Variants in PTPRD observed in about 807,000 individuals in gnomAD.
PTPRD encodes protein tyrosine phosphatase receptor type D.
A neutral mutation model predicts 214.5 loss-of-function variants in PTPRD; 34 were observed. The ratio of observed to expected loss-of-function variants is 0.16; its 90% CI spans 0.12 to 0.21. The LOEUF (loss-of-function observed/expected upper bound fraction) is 0.21, where lower values mean the gene tolerates loss of function less well. PTPRD is among the 10% of genes least tolerant of loss of function. The pLI is 1.00. For synonymous variants in PTPRD, 1,128 were observed against 845.7 expected (o/e 1.33, Z -5.79); for missense variants, 2,545 against 2,398.7 (o/e 1.06, Z -1.27).
intron 3 of PTPRD, among the ~76,000 whole-genome samples, chr9:10,177,480 A>G (rs925820105): frequency 6.6e-6 from 1 of 151,524 alleles, no homozygotes; most frequent in Non-Finnish European, 1.5e-5. Flanking sequence ...ACACTATGAA[A>G]GTTGCATATT....
At chr9:8,966,287 G>A (rs74753279) in intron 11 of PTPRD, among the ~76,000 whole-genome samples, 7,445 of 151,858 alleles carry the variant, frequency 0.049, 498 homozygotes, top group East Asian at 0.26. Flanking sequence ...ATCCCAAATA[G>A]CCAAAGCAAT....
At chr9:9,276,958 C>T (rs2133300428) in intron 9 of PTPRD, among the ~76,000 whole-genome samples, 1 of 151,376 alleles carries the variant, frequency 6.6e-6, no homozygotes, top group African/African-American at 2.4e-5. Flanking sequence ...GCCAGGACAG[C>T]ATTTTCAGCA....
At chr9:9,177,128 C>A (rs1417323838) in intron 10 of PTPRD, among the ~76,000 whole-genome samples, 1 of 152,060 alleles carries the variant, frequency 6.6e-6, no homozygotes, top group African/African-American at 2.4e-5. Flanking sequence ...AGGAAACTTA[C>A]AATCATGGTG....
At chr9:8,936,722 G>A (rs1443877163) in intron 11 of PTPRD, among the ~76,000 whole-genome samples, 4 of 152,126 alleles carry the variant, frequency 2.6e-5, no homozygotes, top group African/African-American at 4.8e-5. Flanking sequence ...AATTTTATAA[G>A]CCTGTTCTAC....
intron 11 of PTPRD, among the ~76,000 whole-genome samples, chr9:8,843,371 G>T (rs931819429): frequency 2.0e-5 from 3 of 152,142 alleles, no homozygotes; most frequent in East Asian, 1.9e-4. Context: ...TAGAGTCAAC[G>T]AGTATTCTAA....
chr9:8,402,354 T>C (rs1038536911), intron 36 of PTPRD, among the ~76,000 whole-genome samples: 3 of 152,098 alleles, frequency 2.0e-5, no homozygotes, highest in South Asian at 2.1e-4. Flanking sequence ...AGAATAAAGA[T>C]ACAAGGAGGT....
intron 12 of PTPRD, among the ~76,000 whole-genome samples, chr9:8,682,297 C>A (rs909417190): frequency 6.6e-6 from 1 of 152,166 alleles, no homozygotes; most frequent in Non-Finnish European, 1.5e-5. Flanking sequence ...CCGGGATATA[C>A]CCATTCTTAG....
intron 11 of PTPRD, among the ~76,000 whole-genome samples, chr9:8,827,614 CAA>C (rs966118435): frequency 2.0e-5 from 3 of 151,888 alleles, no homozygotes; most frequent in East Asian, 1.9e-4. Flanking sequence ...CTCAAACAAA[CAA>C]AAAAAATTAG....
chr9:9,130,489 A>G (rs1264399271), intron 10 of PTPRD, among the ~76,000 whole-genome samples: 1 of 152,196 alleles, frequency 6.6e-6, no homozygotes, highest in African/African-American at 2.4e-5. Context: ...GGTCATATAT[A>G]TTTTGTGGGG....
At chr9:9,952,456 AT>A (rs1434174928) in intron 4 of PTPRD, among the ~76,000 whole-genome samples, 5 of 152,184 alleles carry the variant, frequency 3.3e-5, no homozygotes, top group African/African-American at 1.2e-4. Context: ...ATGTTGTTCA[AT>A]TACAAAACTG....
intron 3 of PTPRD, among the ~76,000 whole-genome samples, chr9:10,150,504 C>T (rs1268501026): frequency 6.6e-6 from 1 of 151,730 alleles, no homozygotes; most frequent in East Asian, 1.9e-4. Flanking sequence ...CATACCGGGG[C>T]CTTTCGTGGG....
intron 8 of PTPRD, among the ~76,000 whole-genome samples, chr9:9,559,271 T>C (rs2082297188): frequency 6.6e-6 from 1 of 152,200 alleles, no homozygotes; most frequent in South Asian, 2.1e-4. Flanking sequence ...GGGCAGCATA[T>C]GCAGTTACTA....
chr9:8,599,326 G>GT (rs1294679989), intron 14 of PTPRD, among the ~76,000 whole-genome samples: 1 of 151,978 alleles, frequency 6.6e-6, no homozygotes, highest in Non-Finnish European at 1.5e-5. Flanking sequence ...AAAACAAAAA[G>GT]TAAAAACTGT....
intron 3 of PTPRD, among the ~76,000 whole-genome samples, chr9:10,290,666 AAGG>A (rs1341711135): frequency 6.6e-6 from 1 of 152,102 alleles, no homozygotes; most frequent in Non-Finnish European, 1.5e-5. Flanking sequence ...AAGGAGAGCA[AAGG>A]AGATGTGTTA....
At chr9:10,244,769 C>G (rs753385092) in intron 3 of PTPRD, among the ~76,000 whole-genome samples, 2 of 152,126 alleles carry the variant, frequency 1.3e-5, no homozygotes, top group Non-Finnish European at 2.9e-5. Flanking sequence ...TTTGCACCTT[C>G]TTTAATGGAA....
intron 3 of PTPRD, among the ~76,000 whole-genome samples, chr9:10,322,710 A>G (rs1205687666): frequency 6.6e-6 from 1 of 152,064 alleles, no homozygotes; most frequent in Non-Finnish European, 1.5e-5. Flanking sequence ...CAATTTGCAC[A>G]TTGGTACCAA....
intron 14 of PTPRD, among the ~76,000 whole-genome samples, chr9:8,556,055 TG>T (rs1261630790): frequency 6.6e-6 from 1 of 152,210 alleles, no homozygotes; most frequent in Non-Finnish European, 1.5e-5. Context: ...GGAAAACATC[TG>T]GGCTGTTACA....
At chr9:9,755,090 GAA>G (rs893065680) in intron 6 of PTPRD, among the ~76,000 whole-genome samples, 31 of 152,012 alleles carry the variant, frequency 2.0e-4, no homozygotes, top group African/African-American at 7.0e-4. Flanking sequence ...AGATATACAA[GAA>G]TCTGCATATT....
chr9:9,408,237 T>C (rs1299757626), intron 8 of PTPRD, among the ~76,000 whole-genome samples: 1 of 151,860 alleles, frequency 6.6e-6, no homozygotes, highest in Non-Finnish European at 1.5e-5. Context: ...TTATTATATG[T>C]GCAAATTGGG....
Sources: allele counts gnomAD v4.1 joint callset (sites outside exome capture counted in the v4.1 genomes callset), GRCh38; gene constraint gnomAD v4.1.1; transcripts MANE v1.5; gene names NCBI Gene and HGNC (gene_info 2026-07-23, HGNC 2026-07-21).